The following RAB3IP variants were observed in gnomAD, a reference collection of about 807,000 sequenced individuals.
The protein encoded by RAB3IP is RAB3A interacting protein, also known as rab-3A-interacting protein.
In RAB3IP, 36 loss-of-function variants were observed where a neutral mutation model predicts 59.1. That is an observed-to-expected ratio of 0.61 (90% CI 0.47 to 0.80). RAB3IP has a LOEUF of 0.80. Ranked by LOEUF, RAB3IP falls within the 30% of genes least tolerant of loss-of-function variation. The probability of loss-of-function intolerance (pLI) is 0.00; values close to 1 mark genes in which losing one functional copy is unlikely to be tolerated. For missense variants in RAB3IP, 511 were observed against 536.0 expected, an observed-to-expected ratio of 0.95 and a Z score of 0.46; for synonymous variants, 207 against 191.2, an observed-to-expected ratio of 1.08 and a Z score of -0.68.
intron 3 of RAB3IP, among the ~76,000 whole-genome samples, chr12:69,761,180 C>T (rs1236787919): frequency 6.6e-6 from 1 of 152,166 alleles, no homozygotes; most frequent in Non-Finnish European, 1.5e-5. Flanking sequence ...AATATCTAAT[C>T]TGTTAATCCC....
At chr12:69,808,089 T>C (rs572499981) in intron 8 of RAB3IP, among the ~76,000 whole-genome samples, 77 of 152,368 alleles carry the variant, frequency 5.1e-4, no homozygotes, top group Admixed American at 1.3e-3. Flanking sequence ...TGGTATGTTG[T>C]GTCTTTGTTC....
intron 4 of RAB3IP, among the ~76,000 whole-genome samples, chr12:69,791,136 A>G (rs2136221218): frequency 6.6e-6 from 1 of 152,314 alleles, no homozygotes; most frequent in Non-Finnish European, 1.5e-5. Context: ...TTGGATATCC[A>G]CATGCAAATG....
rs749229758 is a variant in RAB3IP at position 69,801,593 on chromosome 12, T to C, written c.1018-16T>C. On this transcript the variant is annotated splice_polypyrimidine_tract_variant and intron_variant, in intron 7 of 10. Coordinates refer to ENST00000247833, the MANE Select transcript of RAB3IP (RefSeq NM_022456.5). ...TCTGCCAGTATAGCATCTAGTACTTTTTCTTTTTTTTTAAGTTGGCTTCAG... is the reference window on the plus strand; with the variant it reads ...TCTGCCAGTATAGCATCTAGTACTTCTTCTTTTTTTTTAAGTTGGCTTCAG... The C allele has an allele frequency of 1.9e-6, 3 of 1,566,938 alleles. No homozygotes were observed. Among genetic ancestry groups the C allele is most frequent in the South Asian group, 1.1e-5 (1 of 87,946 alleles).
upstream of RAB3IP, chr12:69,738,499 C>T (rs573256446): frequency 8.5e-5 from 13 of 152,388 alleles, no homozygotes; most frequent in African/African-American, 3.1e-4. Context: ...GTCCTCAACC[C>T]ACGGCAAAGG....
chr12:69,767,568 C>T (rs1872425180), intron 3 of RAB3IP, among the ~76,000 whole-genome samples: 1 of 152,212 alleles, frequency 6.6e-6, no homozygotes, highest in Admixed American at 6.5e-5. Flanking sequence ...GCTGGGAATC[C>T]CCTTCAGCCC....
intron 3 of RAB3IP, among the ~76,000 whole-genome samples, chr12:69,784,326 A>C (rs912720544): frequency 6.6e-6 from 1 of 151,978 alleles, no homozygotes; most frequent in Non-Finnish European, 1.5e-5. Context: ...AACATAAAAA[A>C]AGTGTATTTT....
Position 69,761,205 on chromosome 12 carries a change from T to A in RAB3IP, c.510+4542T>A, listed in dbSNP as rs552134923. Among the ~76,000 whole-genome samples, 217 of 152,344 alleles carry A rather than the reference T, an allele frequency of 1.4e-3. 1 individual carries two copies. Among genetic ancestry groups the A allele is most frequent in the Non-Finnish European group, 2.7e-3 (181 of 68,022 alleles). Reference sequence around the variant, plus strand: ...CTGTTAATCCCATACAGTATGTTTTTAAACTAGACATTGTAGTTTTCATCT... The same window carrying A: ...CTGTTAATCCCATACAGTATGTTTTAAAACTAGACATTGTAGTTTTCATCT... On this transcript the variant is annotated intron_variant, in intron 3 of 10. Transcript: ENST00000247833.
At chr12:69,741,440 A>C (rs1887334636) in intron 1 of RAB3IP, among the ~76,000 whole-genome samples, 1 of 152,196 alleles carries the variant, frequency 6.6e-6, no homozygotes, top group Admixed American at 6.5e-5. Flanking sequence ...TCTATTAAAG[A>C]GCTTTGTAAC....
At chr12:69,775,944 G>T (rs1873854929) in intron 3 of RAB3IP, among the ~76,000 whole-genome samples, 1 of 108,938 alleles carries the variant, frequency 9.2e-6, no homozygotes, top group Non-Finnish European at 2.0e-5. Context: ...AGTTAGGGAG[G>T]ATTCCCTCTT....
intron 3 of RAB3IP, among the ~76,000 whole-genome samples, chr12:69,758,481 T>C (rs754194852): frequency 9.2e-5 from 14 of 152,190 alleles, no homozygotes; most frequent in Non-Finnish European, 1.9e-4. Context: ...GCGTTTATAG[T>C]AGACATATTT....
intron 3 of RAB3IP, among the ~76,000 whole-genome samples, chr12:69,782,715 C>T (rs1473676306): frequency 6.6e-6 from 1 of 152,078 alleles, no homozygotes; most frequent in Non-Finnish European, 1.5e-5. Context: ...TCTTCTCATT[C>T]TCTTGATATT....
At chr12:69,770,253 A>G (rs947013219) in intron 3 of RAB3IP, among the ~76,000 whole-genome samples, 1 of 152,160 alleles carries the variant, frequency 6.6e-6, no homozygotes, top group African/African-American at 2.4e-5. Flanking sequence ...ATCCCTTGGT[A>G]TCCACTGGGG....
intron 4 of RAB3IP, 60 bp downstream of exon 4, chr12:69,784,875 T>C (rs755812792): frequency 9.3e-6 from 9 of 969,104 alleles, no homozygotes; most frequent in Non-Finnish European, 1.5e-5. Context: ...TTGACAAAAT[T>C]GTATTTTGAG....
intron 8 of RAB3IP, among the ~76,000 whole-genome samples, chr12:69,802,908 G>A (rs564746112): frequency 3.9e-5 from 6 of 152,198 alleles, no homozygotes; most frequent in African/African-American, 9.6e-5. Context: ...GTAGCACGGT[G>A]GCCTCTGAAT....
intron 6 of RAB3IP, chr12:69,796,703 TG>T: frequency 1.8e-6 from 1 of 570,904 alleles, no homozygotes; most frequent in Non-Finnish European, 3.1e-6. Flanking sequence ...AAATTCACAT[TG>T]GTTTCTGTTA....
At chr12:69,787,910 A>C (rs927003783) in intron 4 of RAB3IP, among the ~76,000 whole-genome samples, 1 of 152,180 alleles carries the variant, frequency 6.6e-6, no homozygotes, top group African/African-American at 2.4e-5. Flanking sequence ...TGGACATACT[A>C]ATGTGTTAAC....
intron 4 of RAB3IP, among the ~76,000 whole-genome samples, chr12:69,793,439 A>G (rs1488690194): frequency 2.0e-5 from 3 of 152,180 alleles, no homozygotes; most frequent in Non-Finnish European, 4.4e-5. Flanking sequence ...TTGTCAAACT[A>G]TTCATTAAAT....
At chr12:69,808,537 T>A (rs554127574) in intron 8 of RAB3IP, among the ~76,000 whole-genome samples, 1 of 152,366 alleles carries the variant, frequency 6.6e-6, no homozygotes, top group South Asian at 2.1e-4. Flanking sequence ...TTTGGGAGTC[T>A]AAGTCTCTTT....
In RAB3IP at chr12:69,816,928, C is replaced by T. The variant is rs1881192539; in HGVS notation, c.*1482C>T. ...TATGTTATGGTGAAAACCATCAGTA[C>T]CATGCCTAGCTCAAGAATGTGAAAT... On this transcript the variant is annotated 3_prime_UTR_variant, in exon 11 of 11. Transcript: ENST00000247833. The T allele has an allele frequency of 6.6e-6, 1 of 152,084 alleles. No homozygotes were observed. The highest frequency in any genetic ancestry group is 6.6e-5 in the Admixed American group (1 of 15,248). The allele number at this position is 152,084 out of a possible 1,614,324, so 9.4% of individuals were successfully genotyped here.
Sources: gnomAD v4.1 joint callset for allele counts (sites outside exome capture counted in the v4.1 genomes callset) on GRCh38, gnomAD v4.1.1 for gene constraint, MANE v1.5 for transcripts, NCBI Gene and HGNC (gene_info 2026-07-23, HGNC 2026-07-21) for gene names.